The following NPAS3 variants were observed in gnomAD, a reference collection of about 807,000 sequenced individuals.
NPAS3 encodes the protein neuronal PAS domain-containing protein 3.
NPAS3 carries 14 observed loss-of-function variants against 73.1 expected under a neutral mutation model. The ratio of observed to expected loss-of-function variants is 0.19; its 90% CI spans 0.13 to 0.30. The LOEUF is 0.30. NPAS3 is among the 10% of genes least tolerant of loss of function. The pLI is 1.00. For synonymous variants in NPAS3, 620 were observed against 541.5 expected (o/e 1.14, Z -2.01); for missense variants, 1,096 against 1,250.0 (o/e 0.88, Z 1.86).
chr14:33,309,332 C>T (rs980542961), intron 3 of NPAS3, among the ~76,000 whole-genome samples: 3 of 152,174 alleles, frequency 2.0e-5, no homozygotes, highest in African/African-American at 7.2e-5. Context: ...CCGTCAGCCC[C>T]TCAGCTTTCA....
At chr14:33,025,939 C>T (rs1175924206) in intron 1 of NPAS3, among the ~76,000 whole-genome samples, 2 of 152,026 alleles carry the variant, frequency 1.3e-5, no homozygotes, top group Non-Finnish European at 2.9e-5. Context: ...ATACAGTTGC[C>T]AAGTAGGTTC....
At chr14:33,245,160 A>G (rs1418995603) in intron 3 of NPAS3, among the ~76,000 whole-genome samples, 1 of 152,222 alleles carries the variant, frequency 6.6e-6, no homozygotes, top group African/African-American at 2.4e-5. Context: ...ATATATTTTT[A>G]GTCATATTAA....
chr14:33,584,075 A>G (rs967097065), intron 5 of NPAS3, among the ~76,000 whole-genome samples: 8 of 152,224 alleles, frequency 5.3e-5, no homozygotes, highest in African/African-American at 1.9e-4. Flanking sequence ...TTTGTCACCA[A>G]TAGAAATCAC....
intron 1 of NPAS3, among the ~76,000 whole-genome samples, chr14:33,045,905 T>C (rs2040491014): frequency 6.6e-6 from 1 of 152,188 alleles, no homozygotes; most frequent in African/African-American, 2.4e-5. Context: ...GTTTTAGATA[T>C]AGAGGATCTG....
intron 2 of NPAS3, among the ~76,000 whole-genome samples, chr14:33,104,100 T>A (rs2042654123): frequency 6.6e-6 from 1 of 152,134 alleles, no homozygotes. Flanking sequence ...TGTATGGGTA[T>A]CAGCTACATT....
rs575502327 is a variant in NPAS3, at chr14:33,720,390, C to T, written c.734-14824C>T. Among the ~76,000 whole-genome samples, 25 of 152,192 alleles carry T rather than the reference C, an allele frequency of 1.6e-4. No homozygotes were observed. In the South Asian group the frequency reaches 2.3e-3, roughly 14 times the overall value. The stretch of plus-strand genomic sequence containing the variant: ...TAAGGGAAGGTTTGTTATCCAGGAA[C>T]GTATAATTAAGGTGACGGTCCCAGC... On this transcript the variant is annotated intron_variant, in intron 6 of 11. Transcript: ENST00000356141.
At position 33,519,412 on chromosome 14, in the gene NPAS3, G is replaced by T. The variant is rs1480122308; in HGVS notation, c.469-40709G>T. Reference sequence around the variant, plus strand: ...CATTACACTCAAACATTAGTTGCCTGCCTTCCAGAGATCTAGGAAGTAATT... The same window carrying T: ...CATTACACTCAAACATTAGTTGCCTTCCTTCCAGAGATCTAGGAAGTAATT... On this transcript the variant is annotated intron_variant, in intron 4 of 11. Coordinates refer to ENST00000356141, the Ensembl canonical transcript of NPAS3. Among the ~76,000 whole-genome samples the T allele has an allele frequency of 5.3e-5, 8 of 152,018 alleles. No homozygotes were observed. The South Asian group carries it at 8.3e-4, about 16-fold the overall frequency.
chr14:33,680,711 T>C (rs975865877), intron 6 of NPAS3: 10 of 688,134 alleles, frequency 1.5e-5, no homozygotes, highest in Non-Finnish European at 1.8e-5. Context: ...AAGGGGCTCT[T>C]GTGGCTTTTT....
intron 3 of NPAS3, among the ~76,000 whole-genome samples, chr14:33,308,525 T>TACACACACACACACACAC (rs1280716729): frequency 2.2e-4 from 18 of 82,484 alleles, no homozygotes; most frequent in African/African-American, 7.0e-4. Flanking sequence ...TATATATATA[T>TACACACACACACACACAC]ATACATACAC....
At chr14:33,087,135 G>A (rs1291120276) in intron 2 of NPAS3, among the ~76,000 whole-genome samples, 1 of 116,898 alleles carries the variant, frequency 8.6e-6, no homozygotes. Flanking sequence ...ATATAATATT[G>A]TATAATAATA....
chr14:32,966,850 G>T (rs2037193081), intron 1 of NPAS3, among the ~76,000 whole-genome samples: 1 of 151,196 alleles, frequency 6.6e-6, no homozygotes, highest in Non-Finnish European at 1.5e-5. Flanking sequence ...AACACTTCAT[G>T]ACATTGGCCT....
Position 33,650,837 on chromosome 14 carries a change from C to A in NPAS3, c.559-25374C>A, listed in dbSNP as rs575568470. On this transcript the variant is annotated intron_variant, in intron 5 of 11. Transcript: ENST00000356141. The stretch of plus-strand genomic sequence containing the variant: ...AGCAGCCTATCTCTCGTGGTGAGCC[C>A]CTCAAAGGACTTGGGTCCTTGTTGC... Among the ~76,000 whole-genome samples, 3 of 152,266 alleles carry A rather than the reference C, an allele frequency of 2.0e-5. No homozygotes were observed. In the South Asian group the frequency reaches 6.2e-4, roughly 32 times the overall value.
rs902489489 is a variant in NPAS3 at position 33,800,969 on chromosome 14, G to T, written c.2662G>T (p.Ala888Ser). 8.2e-6 allele frequency: 13 copies of T among 1,594,458 alleles called. No individual in the cohort carries two copies. The African/African-American group carries it at 1.6e-4, about 20-fold the overall frequency. ...CAACATGTCAGGACCGTTCGGCGGC[G>T]CAGTGAGCGCAGCTAGCCTGACGCA... The change falls in exon 12 of 12, where the codon GCA becomes TCA. Residue 888 changes from alanine (A) to serine (S), a missense_variant. Around this residue, in one of 5 missense-constraint regions of NPAS3, gnomAD observed 698 missense variants for 676.7 expected, o/e 1.03. Coordinates refer to ENST00000356141, the Ensembl canonical transcript of NPAS3. The surrounding 1 kb of genome is among the most constrained non-coding windows in gnomAD (Gnocchi z 6.5).
intron 5 of NPAS3, chr14:33,586,116 T>G (rs925192690): frequency 6.6e-6 from 1 of 151,876 alleles, no homozygotes; most frequent in African/African-American, 2.4e-5. Flanking sequence ...AAATAAGGCC[T>G]CAGGTGCTTT....
chr14:32,943,236 G>T (rs533563743), intron 1 of NPAS3, among the ~76,000 whole-genome samples: 1 of 151,892 alleles, frequency 6.6e-6, no homozygotes, highest in African/African-American at 2.4e-5. Flanking sequence ...TAAGGTTTTG[G>T]TTTCTGTGTC....
At chr14:33,112,647 C>T (rs1319411545) in intron 2 of NPAS3, among the ~76,000 whole-genome samples, 2 of 152,154 alleles carry the variant, frequency 1.3e-5, no homozygotes, top group Admixed American at 6.6e-5. Flanking sequence ...GTTTCTTTTG[C>T]TGTGCAGAAG....
chr14:33,387,598 C>T (rs1157070003), intron 4 of NPAS3, among the ~76,000 whole-genome samples: 1 of 152,034 alleles, frequency 6.6e-6, no homozygotes, highest in East Asian at 1.9e-4. Context: ...GGGCTGCCTG[C>T]ACTTATCCTT....
At chr14:33,708,654 TA>T (rs1269162613) in intron 6 of NPAS3, among the ~76,000 whole-genome samples, 1 of 152,134 alleles carries the variant, frequency 6.6e-6, no homozygotes, top group Non-Finnish European at 1.5e-5. Context: ...AAGAATTATT[TA>T]AAAGTATTTG....
In NPAS3 at chr14:33,536,564, A is replaced by G. The variant is rs117406657; in HGVS notation, c.469-23557A>G. Among the ~76,000 whole-genome samples the G allele has an allele frequency of 6.9e-3, 1,044 of 152,290 alleles. 9 individuals are homozygous for G. Among genetic ancestry groups the G allele is most frequent in the South Asian group, 0.012 (60 of 4,824 alleles). ...CATGGGCTTTAGCTATGCAGTTCCCATCAGCACTAATGGGAGATTCAAGGC... is the reference window on the plus strand; with the variant it reads ...CATGGGCTTTAGCTATGCAGTTCCCGTCAGCACTAATGGGAGATTCAAGGC... On this transcript the variant is annotated intron_variant, in intron 4 of 11. Coordinates refer to ENST00000356141, the Ensembl canonical transcript of NPAS3.
Sources: allele counts gnomAD v4.1 joint callset (sites outside exome capture counted in the v4.1 genomes callset), GRCh38; gene constraint gnomAD v4.1.1; regional missense constraint gnomAD v4.1.1; non-coding constraint Gnocchi (gnomAD v3.1); transcripts MANE v1.5; gene names NCBI Gene and HGNC (gene_info 2026-07-23, HGNC 2026-07-21).